ZDHHC2: variants seen among roughly 807,000 people sequenced by gnomAD.
ZDHHC2 encodes palmitoyltransferase ZDHHC2.
ZDHHC2 carries 51 observed loss-of-function variants against 55.6 expected under a neutral mutation model. The observed-to-expected ratio is 0.92, with a 90% CI of 0.73 to 1.16. The LOEUF (loss-of-function observed/expected upper bound fraction) is 1.16. Among genes scored for constraint, ZDHHC2 ranks in the 50% most tolerant of loss-of-function variants. ZDHHC2 has a pLI of 0.00. For synonymous variants in ZDHHC2, 199 were observed against 152.9 expected (o/e 1.30, Z -2.22); for missense variants, 491 against 442.4 (o/e 1.11, Z -0.99).
At chr8:17,184,339 A>G (rs1037589470) in intron 1 of ZDHHC2, among the ~76,000 whole-genome samples, 54 of 152,212 alleles carry the variant, frequency 3.5e-4, no homozygotes, top group Admixed American at 7.2e-4. Context: ...AATTAGGGGG[A>G]AAAAAAGTGT....
chr8:17,220,884 C>G lies in ZDHHC2; in HGVS notation c.*663C>G, dbSNP rs1311338292. The G allele has an allele frequency of 2.0e-5, 3 of 152,118 alleles. No homozygotes were observed. In the East Asian group the frequency reaches 5.8e-4, roughly 29 times the overall value. The allele number at this position is 152,118 out of a possible 1,614,324, so 9.4% of individuals were successfully genotyped here. ...AAGTGTGGACATTGAAGCTTGAGCTCTCAAAGCAGTTGGCTGGAATACTTT... is the reference window on the plus strand; with the variant it reads ...AAGTGTGGACATTGAAGCTTGAGCTGTCAAAGCAGTTGGCTGGAATACTTT... On this transcript the variant is annotated 3_prime_UTR_variant, in exon 13 of 13. Coordinates refer to ENST00000262096, the MANE Select transcript of ZDHHC2 (RefSeq NM_016353.5).
rs765683732 is a variant in ZDHHC2 at position 17,197,643 on chromosome 8, C to A, written c.435C>A (p.Val145=). Residue 145 remains valine (V), a synonymous_variant, in exon 5 of 13, where the codon GTC becomes GTA. Transcript: ENST00000262096. ...CAGATCGCTGCCATCACTGCTCCGT[C>A]TGTGATAAGTAAGAGAACCTTTAAC... ...IKPDRCHHCS[V]CDKCILKMDH... The A allele has an allele frequency of 6.2e-7, 1 of 1,613,654 alleles. No individual in the cohort carries two copies. The highest frequency in any genetic ancestry group is 1.1e-5 in the South Asian group (1 of 91,020).
At chr8:17,176,394 C>A (rs1805134727) in intron 1 of ZDHHC2, among the ~76,000 whole-genome samples, 1 of 151,886 alleles carries the variant, frequency 6.6e-6, no homozygotes, top group Non-Finnish European at 1.5e-5. Flanking sequence ...AAAGCAGTTC[C>A]TGCTTATTTA....
intron 6 of ZDHHC2, among the ~76,000 whole-genome samples, chr8:17,199,686 TTCTTCTTTCTC>T (rs1287405825): frequency 3.5e-4 from 52 of 148,186 alleles, no homozygotes; most frequent in Non-Finnish European, 7.0e-4. Context: ...TCTTCTTCTT[TTCTTCTTTCTC>T]CTTCTTCCTT....
chr8:17,209,960 T>A lies in ZDHHC2; in HGVS notation c.759T>A (p.His253Gln), dbSNP rs746750139. 16 of 1,611,242 alleles carry A rather than the reference T, an allele frequency of 9.9e-6. No homozygotes were observed. In the African/African-American group the frequency reaches 2.1e-4, roughly 22 times the overall value. ...CATTCAGAAGTCCAGTATTTCGACATGGAACAGATAAGAATGGATTCAGCT... is the reference window on the plus strand; with the variant it reads ...CATTCAGAAGTCCAGTATTTCGACAAGGAACAGATAAGAATGGATTCAGCT... ...LEAFRSPVFR[H>Q]GTDKNGFSLG... The change falls in exon 9 of 13, where the codon CAT becomes CAA. Residue 253 changes from histidine to glutamine, a missense_variant. Physicochemically the swap from His to Gln is conservative, Grantham distance 24 (BLOSUM62 0). Transcript: ENST00000262096.
intron 4 of ZDHHC2, among the ~76,000 whole-genome samples, 181 bp downstream of exon 4, chr8:17,195,805 A>G (rs576161163): frequency 2.8e-4 from 42 of 152,344 alleles, no homozygotes; most frequent in Middle Eastern, 3.4e-3. Context: ...AAACACGAAT[A>G]GCACTGTGGC....
At chr8:17,192,943 G>T (rs1186547555) in intron 3 of ZDHHC2, among the ~76,000 whole-genome samples, 1 of 152,130 alleles carries the variant, frequency 6.6e-6, no homozygotes, top group Non-Finnish European at 1.5e-5. Context: ...GTAAGGATTT[G>T]TTTCTGGGCT....
chr8:17,157,045 C>T (rs779788478), intron 1 of ZDHHC2, among the ~76,000 whole-genome samples, 192 bp downstream of exon 1: 43 of 152,198 alleles, frequency 2.8e-4, no homozygotes, highest in Non-Finnish European at 4.1e-4. Flanking sequence ...CCTCGCCCTC[C>T]CCTCCCAACT....
chr8:17,188,253 C>T (rs1444418452), intron 3 of ZDHHC2, among the ~76,000 whole-genome samples: 1 of 152,110 alleles, frequency 6.6e-6, no homozygotes, highest in Non-Finnish European at 1.5e-5. Flanking sequence ...AAACTTCATC[C>T]AATACCCTGA....
intron 6 of ZDHHC2, among the ~76,000 whole-genome samples, chr8:17,201,734 G>T (rs1585718925): frequency 6.7e-6 from 1 of 149,242 alleles, no homozygotes; most frequent in African/African-American, 2.5e-5. Flanking sequence ...CTGACCTTGT[G>T]ATCCACCCGC....
chr8:17,195,376 T>C (rs1806253393), intron 3 of ZDHHC2, 128 bp from the exon 4 acceptor site: 1 of 1,122,740 alleles, frequency 8.9e-7, no homozygotes, highest in Non-Finnish European at 1.2e-6. Context: ...TTTCAAACTC[T>C]ATTGTCTCTT....
At chr8:17,165,104 C>T (rs1804539131) in intron 1 of ZDHHC2, among the ~76,000 whole-genome samples, 1 of 152,184 alleles carries the variant, frequency 6.6e-6, no homozygotes, top group Non-Finnish European at 1.5e-5. Context: ...ACAGTCCACT[C>T]CAGAACAGCT....
In ZDHHC2 at chr8:17,210,037, G is replaced by T; in HGVS notation, c.836G>T (p.Trp279Leu). The T allele has an allele frequency of 6.2e-7, 1 of 1,604,468 alleles. No homozygotes were observed. The highest frequency in any genetic ancestry group is 1.1e-5 in the South Asian group (1 of 89,628). The change falls in exon 9 of 13, where the codon TGG becomes TTG. Residue 279 changes from tryptophan to leucine, a missense_variant. Physicochemically the swap from Trp to Leu is moderately conservative, Grantham distance 61 (BLOSUM62 -2). Coordinates refer to ENST00000262096, the MANE Select transcript of ZDHHC2 (RefSeq NM_016353.5). ...RQVFGDEKKY[W>L]LLPIFSSLGD... ...GTTTTTGGTGATGAGAAGAAGTACTGGTTGCTACCCATTTTTTCAAGGTAC... is the reference window on the plus strand; with the variant it reads ...GTTTTTGGTGATGAGAAGAAGTACTTGTTGCTACCCATTTTTTCAAGGTAC...
chr8:17,215,344 A>G lies in ZDHHC2; in HGVS notation c.1058A>G (p.Lys353Arg). The change falls in exon 11 of 13, where the codon AAA becomes AGA. Residue 353 changes from lysine (K) to arginine (R), a missense_variant. Physicochemically the swap from Lys to Arg is conservative, Grantham distance 26. Coordinates refer to ENST00000262096, the MANE Select transcript of ZDHHC2 (RefSeq NM_016353.5). Reference protein sequence around the residue: ...TESSINPGKCKAGMSNPALTM... With the variant: ...TESSINPGKCRAGMSNPALTM... ...AGCAGCATAAACCCAGGAAAATGCA[A>G]AGCTGGTAAGGGTGTGCTTGTTTGG... The G allele has an allele frequency of 6.3e-7, 1 of 1,576,196 alleles. No individual in the cohort carries two copies. The highest frequency in any genetic ancestry group is 8.6e-7 in the Non-Finnish European group (1 of 1,159,870).
chr8:17,198,793 G>C (rs770472275), intron 6 of ZDHHC2, among the ~76,000 whole-genome samples: 1 of 152,108 alleles, frequency 6.6e-6, no homozygotes, highest in African/African-American at 2.4e-5. Context: ...GTCATCAAAA[G>C]CTTTTTAACA....
At chr8:17,185,454 C>G (rs896644703) in intron 2 of ZDHHC2, among the ~76,000 whole-genome samples, 57 of 151,666 alleles carry the variant, frequency 3.8e-4, no homozygotes, top group African/African-American at 1.3e-3. Context: ...GTCAGAAGTT[C>G]AAGACCAGCC....
intron 6 of ZDHHC2, among the ~76,000 whole-genome samples, chr8:17,201,679 T>C (rs1806781626): frequency 1.5e-5 from 2 of 132,802 alleles, no homozygotes; most frequent in South Asian, 4.8e-4. Flanking sequence ...TTTTTTTTTT[T>C]GTATTTTTGG....
intron 6 of ZDHHC2, 150 bp from the exon 7 acceptor site, chr8:17,205,505 A>G (rs1389951526): frequency 1.2e-6 from 1 of 849,962 alleles, no homozygotes; most frequent in Non-Finnish European, 1.7e-6. Flanking sequence ...GGATTTTTAC[A>G]TGATTGTATG....
intron 7 of ZDHHC2, among the ~76,000 whole-genome samples, chr8:17,207,014 G>A (rs965995670): frequency 2.6e-5 from 4 of 152,118 alleles, no homozygotes; most frequent in Admixed American, 2.6e-4. Context: ...ATGAATGTCT[G>A]GGAGAGCATT....
Sources: allele counts gnomAD v4.1 joint callset (sites outside exome capture counted in the v4.1 genomes callset), GRCh38; gene constraint gnomAD v4.1.1; transcripts MANE v1.5; gene names NCBI Gene and HGNC (gene_info 2026-07-23, HGNC 2026-07-21).